The following STX11 variants were observed in gnomAD, a reference collection of about 807,000 sequenced individuals.
STX11 encodes the protein syntaxin 11, also known as syntaxin-11.
A neutral mutation model predicts 19.9 loss-of-function variants in STX11; 21 were observed. That is an observed-to-expected ratio of 1.06 (90% CI 0.75 to 1.52). The LOEUF (loss-of-function observed/expected upper bound fraction) is 1.52, where lower values mean the gene tolerates loss of function less well. Among genes scored for constraint, STX11 ranks in the 40% most tolerant of loss-of-function variants. The pLI, the probability that STX11 is intolerant of heterozygous loss-of-function variation, is 0.00. For missense variants in STX11, 438 were observed against 405.9 expected (o/e 1.08, Z -0.68); for synonymous variants, 193 against 174.4 (o/e 1.11, Z -0.84).
rs1029470248 is a variant in STX11, at chr6:144,167,829, A to G, written c.-6+17126A>G. 2.6e-5 allele frequency among the ~76,000 whole-genome samples: 4 copies of G among 152,098 alleles called. No homozygotes were observed. Among genetic ancestry groups the G allele is most frequent in the Non-Finnish European group, 4.4e-5 (3 of 68,014 alleles). ...GAGGTGGGGTTTCACCATGTTATCC[A>G]TGGCTGGTCTTGAACTCCTTGACTC... On this transcript the variant is annotated intron_variant, in intron 1 of 1. Transcript: ENST00000367568. This position sits in a 1 kb window ranked among gnomAD's most constrained non-coding sequence, Gnocchi z 5.0.
the STX11 span, among the ~76,000 whole-genome samples, chr6:144,140,261 TA>T: frequency 8.2e-3 from 508 of 62,164 alleles, 13 homozygotes; most frequent in African/African-American, 0.045. Flanking sequence ...TATATTTATT[TA>T]TTTATTTTTT....
At chr6:144,185,402 T>C (rs946653332) in intron 1 of STX11, among the ~76,000 whole-genome samples, 7 of 152,252 alleles carry the variant, frequency 4.6e-5, no homozygotes, top group Admixed American at 4.6e-4. Context: ...AAAAAGAATC[T>C]TTCTCATCAT....
At chr6:144,150,853 G>A in intron 1 of STX11, 150 bp downstream of exon 1, 1 of 486,222 alleles carries the variant, frequency 2.1e-6, no homozygotes, top group African/African-American at 2.1e-5. Flanking sequence ...TCTGGCGCAG[G>A]TCCTCACGCC....
chr6:144,188,713 T>A lies in STX11; in HGVS notation c.*1222T>A, dbSNP rs12526485. Among the ~76,000 whole-genome samples, 1 of 123,130 alleles carries A rather than the reference T, an allele frequency of 8.1e-6. No individual in the cohort carries two copies. The highest frequency in any genetic ancestry group is 3.6e-5 in the African/African-American group (1 of 27,514). 80.8% of individuals were successfully genotyped at this position (123,130 alleles called of 152,430 possible). A position where few individuals can be genotyped will look rare whatever the true frequency, so the allele number is the denominator to read the frequency against. On this transcript the variant is annotated 3_prime_UTR_variant, in exon 2 of 2. Coordinates refer to ENST00000367568, the MANE Select transcript of STX11 (RefSeq NM_003764.4). ...TTTACTTTCTCAATTATTGTTAAAA[T>A]TTTTCTTTTTCCTTTTTTTTTTTTT...
Position 144,175,766 on chromosome 6 carries a change from G to A in STX11, c.-5-10857G>A, listed in dbSNP as rs1801763841. 6.6e-6 allele frequency among the ~76,000 whole-genome samples: 1 copy of A among 152,188 alleles called. No individual in the cohort carries two copies. The highest frequency in any genetic ancestry group is 1.9e-4 in the East Asian group (1 of 5,196). ...CATGGTGGTTGGGTTGATTAAGGAAGGAACACAGTAAGTAGCTGCTCCTTA... is the reference window on the plus strand; with the variant it reads ...CATGGTGGTTGGGTTGATTAAGGAAAGAACACAGTAAGTAGCTGCTCCTTA... On this transcript the variant is annotated intron_variant, in intron 1 of 1. Transcript: ENST00000367568. The surrounding 1 kb of genome is among the most constrained non-coding windows in gnomAD (Gnocchi z 5.1).
intron 1 of STX11, among the ~76,000 whole-genome samples, chr6:144,161,657 C>T (rs370380269): frequency 7.2e-5 from 11 of 152,116 alleles, no homozygotes; most frequent in Admixed American, 3.9e-4. Context: ...CATGAGCCAC[C>T]GCACCCGGCC....
intron 1 of STX11, among the ~76,000 whole-genome samples, chr6:144,178,942 G>A (rs1172161165): frequency 1.3e-5 from 2 of 151,908 alleles, no homozygotes; most frequent in Non-Finnish European, 2.9e-5. Flanking sequence ...AAAGAATAGT[G>A]TTTCCCTCTG....
chr6:144,167,332 A>C lies in STX11; in HGVS notation c.-6+16629A>C, dbSNP rs140346028. Among the ~76,000 whole-genome samples, 28 of 152,320 alleles carry C rather than the reference A, an allele frequency of 1.8e-4. No homozygotes were observed. Among genetic ancestry groups the C allele is most frequent in the African/African-American group, 6.5e-4 (27 of 41,576 alleles). ...GATTTCAGATTTTTTTGGATTTTGG[A>C]ATATTTGCATATACATCATGAGATA... On this transcript the variant is annotated intron_variant, in intron 1 of 1. Coordinates refer to ENST00000367568, the MANE Select transcript of STX11 (RefSeq NM_003764.4). The surrounding 1 kb of genome is among the most constrained non-coding windows in gnomAD (Gnocchi z 5.0).
rs1801757886 is a variant in STX11, at chr6:144,175,576, G to A, written c.-5-11047G>A. Among the ~76,000 whole-genome samples, 2 of 152,048 alleles carry A rather than the reference G, an allele frequency of 1.3e-5. No homozygotes were observed. The highest frequency in any genetic ancestry group is 4.2e-4 in the South Asian group (2 of 4,818). Reference sequence around the variant, plus strand: ...CACACTTCGGCCTCTCAAAGTGCTGGGATTACAGGCATGAGCCACCGCGCC... The same window carrying A: ...CACACTTCGGCCTCTCAAAGTGCTGAGATTACAGGCATGAGCCACCGCGCC... On this transcript the variant is annotated intron_variant, in intron 1 of 1. Coordinates refer to ENST00000367568, the MANE Select transcript of STX11 (RefSeq NM_003764.4). The surrounding 1 kb of genome is among the most constrained non-coding windows in gnomAD (Gnocchi z 5.1).
rs1405477837 is a variant in STX11, at chr6:144,170,582, G to A, written c.-5-16041G>A. ...GATTTCAGATTTTCAGATTAGGAAT[G>A]CTCAATCTGTATTATTATTATTATA... On this transcript the variant is annotated intron_variant, in intron 1 of 1. Transcript: ENST00000367568. The surrounding 1 kb of genome is among the most constrained non-coding windows in gnomAD (Gnocchi z 4.7). Among the ~76,000 whole-genome samples, 3 of 137,076 alleles carry A rather than the reference G, an allele frequency of 2.2e-5. No homozygotes were observed. Among genetic ancestry groups the A allele is most frequent in the African/African-American group, 5.9e-5 (2 of 33,908 alleles). The allele number at this position is 137,076 out of a possible 152,430, so 89.9% of individuals were successfully genotyped here. A position where few individuals can be genotyped will look rare whatever the true frequency, so the allele number is the denominator to read the frequency against.
chr6:144,141,917 A>C, the STX11 span, among the ~76,000 whole-genome samples: 2 of 152,014 alleles, frequency 1.3e-5, no homozygotes, highest in Admixed American at 6.6e-5. Context: ...TCTGGGCTCA[A>C]GCACTCTGCC....
chr6:144,179,595 C>T (rs1801857063), intron 1 of STX11, among the ~76,000 whole-genome samples: 1 of 152,124 alleles, frequency 6.6e-6, no homozygotes, highest in African/African-American at 2.4e-5. Flanking sequence ...GAAAGGGGTA[C>T]ACAGGGTGAC....
upstream of STX11, among the ~76,000 whole-genome samples, chr6:144,146,178 C>T (rs115139971): frequency 3.7e-3 from 560 of 152,250 alleles, 2 homozygotes; most frequent in African/African-American, 0.012. This position sits in a 1 kb window ranked among gnomAD's most constrained non-coding sequence, Gnocchi z 4.4. Flanking sequence ...GGGTTTAGAG[C>T]TCTGTAAATT....
Position 144,172,204 on chromosome 6 carries a change from A to T in STX11, c.-5-14419A>T, listed in dbSNP as rs7764327. On this transcript the variant is annotated intron_variant, in intron 1 of 1. Coordinates refer to ENST00000367568, the MANE Select transcript of STX11 (RefSeq NM_003764.4). The surrounding 1 kb of genome is among the most constrained non-coding windows in gnomAD (Gnocchi z 4.2). ...ACAATTTTCTATTTCTCATGGGTGC[A>T]AGGATTAAATGAGATAATCCATGTA... 0.31 allele frequency among the ~76,000 whole-genome samples: 46,558 copies of T among 152,038 alleles called. 7,550 individuals are homozygous for T. Among genetic ancestry groups the T allele is most frequent in the Middle Eastern group, 0.38 (113 of 294 alleles).
intron 1 of STX11, among the ~76,000 whole-genome samples, chr6:144,156,024 CTCCTTCCT>C (rs1240238433): frequency 1.3e-4 from 13 of 102,848 alleles, no homozygotes; most frequent in African/African-American, 7.1e-4. Context: ...CTCTCTTTCT[CTCCTTCCT>C]TCCTTCCTTC....
At chr6:144,142,084 T>G in the STX11 span, among the ~76,000 whole-genome samples, 28 of 151,594 alleles carry the variant, frequency 1.8e-4, no homozygotes, top group African/African-American at 5.6e-4. Context: ...TGCTTGTTGT[T>G]TCCTGGACAG....
At chr6:144,166,329 T>C (rs927945275) in intron 1 of STX11, among the ~76,000 whole-genome samples, 2 of 152,166 alleles carry the variant, frequency 1.3e-5, no homozygotes, top group Non-Finnish European at 2.9e-5. Flanking sequence ...CATTAAGTCT[T>C]AAAGACATCA....
In STX11 at chr6:144,167,181, G is replaced by A. The variant is rs187033137; in HGVS notation, c.-6+16478G>A. On this transcript the variant is annotated intron_variant, in intron 1 of 1. Coordinates refer to ENST00000367568, the MANE Select transcript of STX11 (RefSeq NM_003764.4). This position sits in a 1 kb window ranked among gnomAD's most constrained non-coding sequence, Gnocchi z 5.0. ...TATCATTGGTTATTTTATAGAATTA[G>A]TATATATAGTTGTATTAGATGATGG... 4.2e-4 allele frequency among the ~76,000 whole-genome samples: 64 copies of A among 152,268 alleles called. No homozygotes were observed. Among genetic ancestry groups the A allele is most frequent in the African/African-American group, 1.5e-3 (62 of 41,550 alleles).
upstream of STX11, chr6:144,150,482 C>T: frequency 1.0e-6 from 1 of 985,178 alleles, no homozygotes; most frequent in South Asian, 4.7e-5. Flanking sequence ...GCTGTGGTCG[C>T]TTCCTAAGCG....
Sources: gnomAD v4.1 joint callset for allele counts (sites outside exome capture counted in the v4.1 genomes callset) on GRCh38, gnomAD v4.1.1 for gene constraint, Gnocchi (gnomAD v3.1) non-coding constraint, MANE v1.5 for transcripts, NCBI Gene and HGNC (gene_info 2026-07-23, HGNC 2026-07-21) for gene names.